The following DNAH5 variants were observed in gnomAD, a reference collection of about 807,000 sequenced individuals.
The protein encoded by DNAH5 is dynein axonemal heavy chain 5.
Under a neutral mutation model 518.2 loss-of-function variants are expected in DNAH5, and 372 were observed. That is an observed-to-expected ratio of 0.72 (90% CI 0.66 to 0.78). The LOEUF (loss-of-function observed/expected upper bound fraction) is 0.78. Among genes scored for constraint, DNAH5 ranks in the 30% least tolerant of loss-of-function variants. DNAH5 has a pLI of 0.00. For missense variants in DNAH5, 5,523 were observed against 5,687.0 expected, an observed-to-expected ratio of 0.97 and a Z score of 0.93; for synonymous variants, 2,039 against 2,025.9, an observed-to-expected ratio of 1.01 and a Z score of -0.17.
intron 1 of DNAH5, among the ~76,000 whole-genome samples, chr5:13,950,983 A>T (rs34249504): frequency 6.6e-6 from 1 of 152,148 alleles, no homozygotes; most frequent in Non-Finnish European, 1.5e-5. Flanking sequence ...CAAATATACA[A>T]CCACAATTAA....
At chr5:13,921,751 C>CCA (rs1339017688) in intron 5 of DNAH5, among the ~76,000 whole-genome samples, 4 of 21,714 alleles carry the variant, frequency 1.8e-4, no homozygotes, top group South Asian at 1.0e-3. Flanking sequence ...CCCACACACA[C>CCA]CCCCCCACAC....
chr5:13,786,693 G>A (rs1756082784), intron 51 of DNAH5, among the ~76,000 whole-genome samples: 2 of 152,016 alleles, frequency 1.3e-5, no homozygotes, highest in Non-Finnish European at 2.9e-5. Context: ...AATCAGCAAG[G>A]GAGGTCAAGA....
At chr5:13,776,108 AG>A in intron 55 of DNAH5, among the ~76,000 whole-genome samples, 1 of 152,204 alleles carries the variant, frequency 6.6e-6, no homozygotes, top group Non-Finnish European at 1.5e-5. Context: ...GAAGCAGCAA[AG>A]GGTCCAGTCA....
chr5:13,775,345 C>T (rs917104778), intron 55 of DNAH5, among the ~76,000 whole-genome samples: 1 of 151,768 alleles, frequency 6.6e-6, no homozygotes, highest in South Asian at 2.1e-4. Flanking sequence ...AATAAAACTT[C>T]CCCAGTAGGT....
chr5:13,871,144 A>T (rs1770042927), intron 23 of DNAH5, 142 bp from the exon 24 acceptor site: 1 of 647,158 alleles, frequency 1.5e-6, no homozygotes, highest in Non-Finnish European at 2.7e-6. Context: ...AAAAAATCAT[A>T]ATTTTTCCTA....
intron 70 of DNAH5, among the ~76,000 whole-genome samples, chr5:13,721,691 A>G (rs542364541): frequency 1.3e-5 from 2 of 152,320 alleles, no homozygotes; most frequent in Admixed American, 1.3e-4. Context: ...AATATATTGG[A>G]TATTTGTTGA....
Position 13,894,784 on chromosome 5 carries a change from AT to A in DNAH5, c.2296del (p.Ile766TyrfsTer8). Reference protein sequence around the residue: ...LAEYQRVKSKIPAAIEQLIVP... With the variant: ...LAEYQRVKSKXPAAIEQLIVP... ...AATCAATTGCTCAATGGCAGCAGGT[AT>A]TTTTGACTTCACTCTCTGATATTCA... is the stretch of plus-strand genomic sequence containing the variant. On this transcript the variant is annotated frameshift_variant, in exon 16 of 79. Coordinates refer to ENST00000265104, the MANE Select transcript of DNAH5 (RefSeq NM_001369.3). LOFTEE classifies it high-confidence loss of function. The A allele has an allele frequency of 6.2e-7, 1 of 1,614,106 alleles. No individual in the cohort carries two copies. The highest frequency in any genetic ancestry group is 8.5e-7 in the Non-Finnish European group (1 of 1,179,964).
At chr5:13,781,502 T>C (rs904543432) in intron 52 of DNAH5, among the ~76,000 whole-genome samples, 6 of 151,992 alleles carry the variant, frequency 3.9e-5, no homozygotes, top group African/African-American at 1.5e-4. Flanking sequence ...ACTCCCATAA[T>C]TCCCACATGT....
chr5:13,829,953 A>G, intron 37 of DNAH5, 73 bp downstream of exon 37: 1 of 1,396,818 alleles, frequency 7.2e-7, no homozygotes, highest in Non-Finnish European at 1.0e-6. Context: ...AACAGATGAC[A>G]TATGACCAGG....
At chr5:13,763,250 G>T (rs1420706564) in intron 59 of DNAH5, among the ~76,000 whole-genome samples, 1 of 152,144 alleles carries the variant, frequency 6.6e-6, no homozygotes, top group Non-Finnish European at 1.5e-5. Flanking sequence ...ATCCTAAATG[G>T]ATGAATTACA....
At chr5:13,701,024 C>A (rs992081088) in intron 77 of DNAH5, among the ~76,000 whole-genome samples, 153 bp from the exon 78 acceptor site, 11 of 152,062 alleles carry the variant, frequency 7.2e-5, no homozygotes, top group Non-Finnish European at 7.4e-5. Flanking sequence ...ATTAAAAAAA[C>A]CACATCCTAA....
At chr5:13,921,490 C>T (rs1370737041) in intron 5 of DNAH5, among the ~76,000 whole-genome samples, 1 of 145,618 alleles carries the variant, frequency 6.9e-6, no homozygotes, top group Non-Finnish European at 1.5e-5. Context: ...CACACACACA[C>T]ACACACACAC....
intron 70 of DNAH5, among the ~76,000 whole-genome samples, chr5:13,723,123 A>T (rs1333232174): frequency 6.6e-6 from 1 of 152,198 alleles, no homozygotes; most frequent in Non-Finnish European, 1.5e-5. Context: ...ATTTATTTTC[A>T]TACCTCTCAA....
At chr5:13,878,715 G>A (rs1771238863) in intron 21 of DNAH5, among the ~76,000 whole-genome samples, 1 of 152,192 alleles carries the variant, frequency 6.6e-6, no homozygotes, top group South Asian at 2.1e-4. Flanking sequence ...AGTAGCCAGA[G>A]ACCATGGAAA....
chr5:13,766,794 A>C (rs371216132), intron 58 of DNAH5, among the ~76,000 whole-genome samples: 195 of 152,368 alleles, frequency 1.3e-3, no homozygotes, highest in African/African-American at 4.2e-3. Context: ...TAAATGATTT[A>C]ATAGTCACAT....
In DNAH5 at chr5:13,914,589, G is replaced by A. The variant is rs112911055; in HGVS notation, c.1251C>T (p.Thr417=). The A allele has an allele frequency of 1.8e-4, 298 of 1,613,152 alleles. 1 individual carries two copies. The African/African-American group carries it at 3.2e-3, about 18-fold the overall frequency. ...ACKAYITNNG[T]ASIWNQPQDV... is the part of the protein sequence containing the mutation. ...CCTGTGGCTGGTTCCAGATGGAAGCGGTTCCATTATTGGTAATATAGGCTT... is the reference window on the plus strand; with the variant it reads ...CCTGTGGCTGGTTCCAGATGGAAGCAGTTCCATTATTGGTAATATAGGCTT... The change falls in exon 10 of 79, where the codon ACC becomes ACT. Residue 417 remains threonine (T), a synonymous_variant. Coordinates refer to ENST00000265104, the MANE Select transcript of DNAH5 (RefSeq NM_001369.3).
chr5:13,942,285 T>G (rs1191817293), intron 1 of DNAH5, among the ~76,000 whole-genome samples: 2 of 152,058 alleles, frequency 1.3e-5, no homozygotes, highest in African/African-American at 4.8e-5. Context: ...AATTATAACA[T>G]AGCATCATTG....
chr5:13,833,988 G>A (rs1348028249), intron 35 of DNAH5, among the ~76,000 whole-genome samples: 1 of 152,230 alleles, frequency 6.6e-6, no homozygotes, highest in Non-Finnish European at 1.5e-5. Flanking sequence ...CAACATGTCA[G>A]TGCCTCCAGC....
Position 13,788,753 on chromosome 5 carries a change from A to G in DNAH5, c.8610T>C (p.Tyr2870=), listed in dbSNP as rs1277735188. The change falls in exon 51 of 79, where the codon TAT becomes TAC. Residue 2870 remains tyrosine, a synonymous_variant. Transcript: ENST00000265104. ...GTGCATCTCTCAAGAAATCCACAAA[A>G]TATGTGTCAATTCCACAATCCACCA... is the stretch of plus-strand genomic sequence containing the variant. The part of the protein sequence containing the change: ...KLLVDCGIDT[Y]FVDFLRDAPE... The G allele has an allele frequency of 6.2e-7, 1 of 1,614,158 alleles. No individual in the cohort carries two copies.
Sources: allele counts gnomAD v4.1 joint callset (sites outside exome capture counted in the v4.1 genomes callset), GRCh38; gene constraint gnomAD v4.1.1; transcripts MANE v1.5; gene names NCBI Gene and HGNC (gene_info 2026-07-23, HGNC 2026-07-21).